SETBP1: variants seen among roughly 807,000 people sequenced by gnomAD.
SETBP1 encodes the protein SET binding protein 1.
A neutral mutation model predicts 101.0 loss-of-function variants in SETBP1; 9 were observed. The ratio of observed to expected loss-of-function variants is 0.09; its 90% CI spans 0.05 to 0.16. The LOEUF (loss-of-function observed/expected upper bound fraction) is 0.16, where lower values mean the gene tolerates loss of function less well. Among genes scored for constraint, SETBP1 ranks in the 10% least tolerant of loss-of-function variants. The pLI is 1.00. For synonymous variants in SETBP1, 818 were observed against 788.5 expected, an observed-to-expected ratio of 1.04 and a Z score of -0.63; for missense variants, 1,858 against 2,033.8, an observed-to-expected ratio of 0.91 and a Z score of 1.66.
At chr18:44,874,844 C>G (rs2069360346) in intron 3 of SETBP1, among the ~76,000 whole-genome samples, 1 of 152,248 alleles carries the variant, frequency 6.6e-6, no homozygotes, top group South Asian at 2.1e-4. Context: ...AATGCCAAAC[C>G]CCAAAGTATT....
chr18:45,033,933 C>A (rs1056154155), intron 4 of SETBP1, among the ~76,000 whole-genome samples: 9 of 152,118 alleles, frequency 5.9e-5, no homozygotes, highest in Non-Finnish European at 8.8e-5. Context: ...TAAATAGTAG[C>A]CATCCCACAA....
chr18:45,031,427 A>C (rs1055450311), intron 4 of SETBP1, among the ~76,000 whole-genome samples: 2 of 151,578 alleles, frequency 1.3e-5, no homozygotes, highest in Non-Finnish European at 2.9e-5. Context: ...CGTCATTAAC[A>C]GATGAAAAAA....
At chr18:44,720,131 A>C (rs1331274096) in intron 2 of SETBP1, among the ~76,000 whole-genome samples, 6 of 152,166 alleles carry the variant, frequency 3.9e-5, no homozygotes, top group African/African-American at 1.4e-4. Context: ...TATTGCATAC[A>C]ATCTGATAGA....
At chr18:44,843,123 G>A (rs2072654833) in intron 2 of SETBP1, among the ~76,000 whole-genome samples, 1 of 152,206 alleles carries the variant, frequency 6.6e-6, no homozygotes, top group African/African-American at 2.4e-5. Context: ...CTCAGAAGCA[G>A]TAGCTGCAGG....
intron 2 of SETBP1, among the ~76,000 whole-genome samples, chr18:44,708,225 T>C (rs2069263244): frequency 6.6e-6 from 1 of 152,154 alleles, no homozygotes; most frequent in Non-Finnish European, 1.5e-5. Flanking sequence ...CCATCCTATT[T>C]TGTCAGCACT....
chr18:44,761,207 T>C (rs937071158), intron 2 of SETBP1, among the ~76,000 whole-genome samples: 2 of 152,248 alleles, frequency 1.3e-5, no homozygotes, highest in African/African-American at 4.8e-5. Context: ...ATATATGTAG[T>C]GTAATGATCA....
At chr18:44,999,491 G>A (rs2072570431) in intron 4 of SETBP1, among the ~76,000 whole-genome samples, 1 of 152,170 alleles carries the variant, frequency 6.6e-6, no homozygotes, top group South Asian at 2.1e-4. Context: ...CTTGTCTACT[G>A]AGTGATACCT....
chr18:44,902,166 T>C (rs2070062662), intron 3 of SETBP1, among the ~76,000 whole-genome samples: 1 of 152,148 alleles, frequency 6.6e-6, no homozygotes, highest in Non-Finnish European at 1.5e-5. Flanking sequence ...AGGTGTGTAA[T>C]AGTGCCATCA....
intron 3 of SETBP1, among the ~76,000 whole-genome samples, chr18:44,944,710 C>A (rs2071162928): frequency 6.6e-6 from 1 of 152,132 alleles, no homozygotes; most frequent in South Asian, 2.1e-4. Context: ...TTATTGATGT[C>A]AGCAGAAAGT....
At chr18:44,896,504 T>G (rs2069906238) in intron 3 of SETBP1, among the ~76,000 whole-genome samples, 1 of 152,118 alleles carries the variant, frequency 6.6e-6, no homozygotes. Flanking sequence ...CATCCAAGTT[T>G]TTTTGTTTTG....
chr18:44,892,610 G>A (rs2069797141), intron 3 of SETBP1, among the ~76,000 whole-genome samples: 1 of 152,020 alleles, frequency 6.6e-6, no homozygotes, highest in South Asian at 2.1e-4. Context: ...GCTTTCTGTT[G>A]GCCAGGTAAT....
intron 3 of SETBP1, among the ~76,000 whole-genome samples, chr18:44,936,113 C>T (rs1385421248): frequency 1.3e-5 from 2 of 152,218 alleles, no homozygotes; most frequent in Non-Finnish European, 2.9e-5. Context: ...TGCCTTCCTA[C>T]TGCAGAATGT....
At chr18:44,948,499 T>TGCTAGATAGATAGATA (rs2071260702) in intron 3 of SETBP1, among the ~76,000 whole-genome samples, 1 of 149,738 alleles carries the variant, frequency 6.7e-6, no homozygotes, top group Non-Finnish European at 1.5e-5. Flanking sequence ...CAAAGATAGA[T>TGCTAGATAGATAGATA]GATAGATAGA....
chr18:44,811,948 C>T (rs1015721459), intron 2 of SETBP1, among the ~76,000 whole-genome samples: 14 of 152,194 alleles, frequency 9.2e-5, no homozygotes, highest in African/African-American at 3.4e-4. Flanking sequence ...ACAGCTGATT[C>T]ACCAGAGAAT....
intron 4 of SETBP1, among the ~76,000 whole-genome samples, chr18:44,991,244 C>CAAAA (rs55811938): frequency 1.7e-3 from 116 of 67,866 alleles, no homozygotes; most frequent in Middle Eastern, 0.012. Context: ...CTGCATCTCA[C>CAAAA]AAAAAAAAAA....
At chr18:45,026,535 TTA>T (rs1436753572) in intron 4 of SETBP1, among the ~76,000 whole-genome samples, 1 of 152,214 alleles carries the variant, frequency 6.6e-6, no homozygotes, top group Non-Finnish European at 1.5e-5. Context: ...GTAACATGCT[TTA>T]TGTCTATTAC....
chr18:44,912,578 C>A (rs577523908), intron 3 of SETBP1, among the ~76,000 whole-genome samples: 4 of 151,910 alleles, frequency 2.6e-5, no homozygotes, highest in Non-Finnish European at 5.9e-5. Context: ...CCACCATGCC[C>A]GGCTAATTTT....
intron 3 of SETBP1, among the ~76,000 whole-genome samples, chr18:44,933,768 C>T (rs1033017013): frequency 2.6e-5 from 4 of 152,178 alleles, no homozygotes; most frequent in African/African-American, 7.2e-5. Flanking sequence ...GATATAATCT[C>T]CTGGTGTGCC....
intron 3 of SETBP1, among the ~76,000 whole-genome samples, chr18:44,889,075 A>T (rs1453690754): frequency 6.6e-6 from 1 of 152,064 alleles, no homozygotes; most frequent in Admixed American, 6.6e-5. Context: ...TTTCCTAGCA[A>T]ACATTTTGTT....
Sources: gnomAD v4.1 joint callset for allele counts (sites outside exome capture counted in the v4.1 genomes callset) on GRCh38, gnomAD v4.1.1 for gene constraint, MANE v1.5 for transcripts, NCBI Gene and HGNC (gene_info 2026-07-23, HGNC 2026-07-21) for gene names.